GALNTL6: variants seen among roughly 807,000 people sequenced by gnomAD.
GALNTL6 encodes polypeptide N-acetylgalactosaminyltransferase like 6, also known as polypeptide N-acetylgalactosaminyltransferase-like 6.
GALNTL6 carries 46 observed loss-of-function variants against 73.7 expected under a neutral mutation model. That is an observed-to-expected ratio of 0.62 (90% confidence interval 0.49 to 0.80). The LOEUF (loss-of-function observed/expected upper bound fraction) is 0.80. Ranked by LOEUF, GALNTL6 falls within the 30% of genes least tolerant of loss-of-function variation. The pLI is 0.00. For missense variants in GALNTL6, 604 were observed against 755.0 expected, an observed-to-expected ratio of 0.80 and a Z score of 2.34; for synonymous variants, 259 against 263.7, an observed-to-expected ratio of 0.98 and a Z score of 0.17.
At chr4:172,447,189 TC>T (rs1732052980) in intron 5 of GALNTL6, among the ~76,000 whole-genome samples, 1 of 152,130 alleles carries the variant, frequency 6.6e-6, no homozygotes, top group Non-Finnish European at 1.5e-5. Context: ...GAAAAGAGTC[TC>T]CAGAAGAGGC....
chr4:172,746,031 CTCA>C (rs1737090429), intron 5 of GALNTL6, among the ~76,000 whole-genome samples: 1 of 145,156 alleles, frequency 6.9e-6, no homozygotes, highest in Non-Finnish European at 1.5e-5. Context: ...GCTGAAATTT[CTCA>C]TATTAAAATC....
intron 2 of GALNTL6, among the ~76,000 whole-genome samples, chr4:171,905,064 G>A (rs560023658): frequency 1.3e-5 from 2 of 152,212 alleles, no homozygotes; most frequent in South Asian, 4.1e-4. Flanking sequence ...AGACCATCAA[G>A]ACTAGGAAGA....
intron 7 of GALNTL6, among the ~76,000 whole-genome samples, chr4:172,827,428 C>G (rs1445399391): frequency 3.3e-5 from 5 of 152,174 alleles, no homozygotes; most frequent in Non-Finnish European, 5.9e-5. Flanking sequence ...TAATGAGCTT[C>G]CTCATGTTGG....
intron 12 of GALNTL6, among the ~76,000 whole-genome samples, chr4:173,028,412 C>G (rs1166795808): frequency 4.6e-5 from 7 of 152,112 alleles, no homozygotes; most frequent in Non-Finnish European, 1.0e-4. Flanking sequence ...TTTTGTAGCT[C>G]TAATTTTTAC....
chr4:172,497,991 C>CT (rs10669113), intron 5 of GALNTL6, among the ~76,000 whole-genome samples: 63,189 of 105,740 alleles, frequency 0.6, 20,047 homozygotes, highest in South Asian at 0.84. Context: ...TGTCACATTT[C>CT]TTTTTTTTTT....
chr4:172,250,024 A>C (rs1737801734), intron 3 of GALNTL6, among the ~76,000 whole-genome samples: 1 of 152,136 alleles, frequency 6.6e-6, no homozygotes, highest in Non-Finnish European at 1.5e-5. Flanking sequence ...ACAGCTTTGC[A>C]CCATGCACCT....
intron 12 of GALNTL6, among the ~76,000 whole-genome samples, chr4:173,038,432 C>T (rs1411009346): frequency 1.3e-5 from 2 of 152,186 alleles, no homozygotes; most frequent in Admixed American, 1.3e-4. Flanking sequence ...CTGCTTCCTC[C>T]ACCCCAGAGG....
chr4:171,948,920 A>G (rs552604632), intron 2 of GALNTL6, among the ~76,000 whole-genome samples: 188 of 152,042 alleles, frequency 1.2e-3, no homozygotes, highest in Non-Finnish European at 2.2e-3. Flanking sequence ...TAATATGGAC[A>G]GTCTTTTCAA....
At position 173,040,146 on chromosome 4, in the gene GALNTL6, A is replaced by G. The variant is rs1423326330; in HGVS notation, c.*46A>G. The G allele has an allele frequency of 6.9e-7, 1 of 1,445,490 alleles. No homozygotes were observed. The highest frequency in any genetic ancestry group is 9.5e-7 in the Non-Finnish European group (1 of 1,053,132). 89.5% of individuals were successfully genotyped at this position (1,445,490 alleles called of 1,614,324 possible). A position where few individuals can be genotyped will look rare whatever the true frequency, so the allele number is the denominator to read the frequency against. ...GTGATTACCTACAGGTTATAAATTAAATTTTAGCCAGCATCTGGGTCGAAG... is the reference window on the plus strand; with the variant it reads ...GTGATTACCTACAGGTTATAAATTAGATTTTAGCCAGCATCTGGGTCGAAG... On this transcript the variant is annotated 3_prime_UTR_variant, in exon 13 of 13. Transcript: ENST00000506823.
chr4:172,225,672 C>T lies in GALNTL6; in HGVS notation c.139-3984C>T, dbSNP rs150619498. Among the ~76,000 whole-genome samples the T allele has an allele frequency of 4.9e-4, 74 of 152,230 alleles. 1 individual carries two copies. The East Asian group carries it at 9.9e-3, about 20-fold the overall frequency. ...TTGGATGGCTGAGGCGTGAGAATTGCTTGAGCCCAGGAGGCAGAGGTTGCA... is the reference window on the plus strand; with the variant it reads ...TTGGATGGCTGAGGCGTGAGAATTGTTTGAGCCCAGGAGGCAGAGGTTGCA... On this transcript the variant is annotated intron_variant, in intron 2 of 12. Transcript: ENST00000506823.
intron 2 of GALNTL6, among the ~76,000 whole-genome samples, chr4:172,197,712 G>A (rs760276941): frequency 2.0e-5 from 3 of 152,240 alleles, no homozygotes; most frequent in Middle Eastern, 3.4e-3. Context: ...TTATTAAATG[G>A]TTTTGGGAGA....
At chr4:172,676,481 A>G (rs902889706) in intron 5 of GALNTL6, among the ~76,000 whole-genome samples, 1 of 152,046 alleles carries the variant, frequency 6.6e-6, no homozygotes, top group African/African-American at 2.4e-5. Flanking sequence ...ATTGGGTGCT[A>G]CTCTCATGGG....
intron 2 of GALNTL6, among the ~76,000 whole-genome samples, chr4:171,941,094 A>G (rs1738528820): frequency 6.6e-6 from 1 of 152,136 alleles, no homozygotes; most frequent in Non-Finnish European, 1.5e-5. Context: ...TTCATTATGT[A>G]ATATCATTAA....
At chr4:172,380,081 C>T in intron 5 of GALNTL6, 1 of 976,632 alleles carries the variant, frequency 1.0e-6, no homozygotes, top group Non-Finnish European at 1.7e-6. Flanking sequence ...GTTTATATGG[C>T]TTGGGCTTCG....
chr4:172,551,667 T>C (rs1735958450), intron 5 of GALNTL6, among the ~76,000 whole-genome samples: 1 of 152,206 alleles, frequency 6.6e-6, no homozygotes, highest in Non-Finnish European at 1.5e-5. Flanking sequence ...CCTCAGTCTG[T>C]AACAGTAATT....
chr4:172,224,067 A>G (rs1194750504), intron 2 of GALNTL6, among the ~76,000 whole-genome samples: 2 of 152,154 alleles, frequency 1.3e-5, no homozygotes, highest in African/African-American at 4.8e-5. Context: ...TTTCTCAGTG[A>G]CTATGTTAAG....
In GALNTL6 at chr4:172,802,569, G is replaced by T. The variant is rs139995992; in HGVS notation, c.554-6792G>T. The stretch of plus-strand genomic sequence containing the variant: ...CCAGCACTTTGGGAGGCCAAGGTGA[G>T]TGTATCACTTGAGGTCAGGAGTTTG... On this transcript the variant is annotated intron_variant, in intron 5 of 12. Coordinates refer to ENST00000506823, the MANE Select transcript of GALNTL6 (RefSeq NM_001034845.3). Among the ~76,000 whole-genome samples the T allele has an allele frequency of 3.7e-3, 568 of 152,268 alleles. 14 individuals carry two copies. Among genetic ancestry groups the T allele is most frequent in the Non-Finnish European group, 1.1e-3 (72 of 68,018 alleles).
intron 5 of GALNTL6, among the ~76,000 whole-genome samples, chr4:172,708,058 T>C (rs1457170660): frequency 6.6e-6 from 1 of 152,146 alleles, no homozygotes; most frequent in Admixed American, 6.5e-5. Flanking sequence ...CTCCTCACCA[T>C]AAAAACAAAA....
At chr4:172,798,761 C>A (rs967288866) in intron 5 of GALNTL6, among the ~76,000 whole-genome samples, 5 of 151,866 alleles carry the variant, frequency 3.3e-5, no homozygotes, top group African/African-American at 1.2e-4. Context: ...TGATGTTTGG[C>A]AAAAAACAAT....
Sources: allele counts gnomAD v4.1 joint callset (sites outside exome capture counted in the v4.1 genomes callset), GRCh38; gene constraint gnomAD v4.1.1; transcripts MANE v1.5; gene names NCBI Gene and HGNC (gene_info 2026-07-23, HGNC 2026-07-21).